The following REV3L variants were observed in gnomAD, a reference collection of about 807,000 sequenced individuals.
REV3L encodes the protein REV3 like, DNA directed polymerase zeta catalytic subunit.
Under a neutral mutation model 299.4 loss-of-function variants are expected in REV3L, and 69 were observed. The ratio of observed to expected loss-of-function variants is 0.23; its 90% confidence interval spans 0.19 to 0.28. REV3L has a LOEUF of 0.28. REV3L is among the 10% of genes least tolerant of loss of function. REV3L has a pLI of 1.00. For synonymous variants in REV3L, 1,238 were observed against 1,271.4 expected (o/e 0.97, Z 0.56); for missense variants, 3,128 against 3,693.8 (o/e 0.85, Z 3.97).
intron 1 of REV3L, among the ~76,000 whole-genome samples, chr6:111,475,862 T>C (rs933909352): frequency 2.6e-5 from 4 of 152,176 alleles, no homozygotes; most frequent in African/African-American, 9.7e-5. Context: ...CCTACCTTTT[T>C]TGTTTCTTTG....
chr6:111,333,237 C>T lies in REV3L; in HGVS notation c.7811G>A (p.Arg2604His), dbSNP rs574647735. ...AACGAGAACAGAGTTGCTATAGAAG[C>T]GGGATTCAGGCTCCATAATTAGAGG... ...CVPLIMEPES[R>H]FYSNSVLVLD... is the part of the protein sequence containing the mutation. The change falls in exon 23 of 32, where the codon CGC becomes CAC. Residue 2604 changes from arginine to histidine, a missense_variant. By Grantham distance (29) the Arg-to-His change is conservative. Around this residue, in one of 9 missense-constraint regions of REV3L, gnomAD observed 149 missense variants for 286.4 expected, o/e 0.52. Coordinates refer to ENST00000368802, the MANE Select transcript of REV3L (RefSeq NM_001372078.1). 5.0e-6 allele frequency: 8 copies of T among 1,613,894 alleles called. No individual in the cohort carries two copies. The highest frequency in any genetic ancestry group is 6.8e-6 in the Non-Finnish European group (8 of 1,180,008).
chr6:111,373,184 C>G lies in REV3L; in HGVS notation c.5171G>C (p.Ser1724Thr), dbSNP rs17539644. ...GGTTGACTTCTCAAAAATTTCAGGACTTAAAGTACCAGATCTAATCCATGA... is the reference window on the plus strand; with the variant it reads ...GGTTGACTTCTCAAAAATTTCAGGAGTTAAAGTACCAGATCTAATCCATGA... ...SASWIRSGTL[S>T]PEIFEKSTID... Residue 1724 changes from serine (S) to threonine (T), a missense_variant, in exon 13 of 32, where the codon AGT (serine) becomes ACT (threonine). Transcript: ENST00000368802. 9.9e-6 allele frequency: 16 copies of G among 1,613,994 alleles called. No homozygotes were observed. The highest frequency in any genetic ancestry group is 1.3e-5 in the Non-Finnish European group (15 of 1,179,998).
At chr6:111,319,678 G>T (rs1034529845) in intron 26 of REV3L, among the ~76,000 whole-genome samples, 2 of 151,078 alleles carry the variant, frequency 1.3e-5, no homozygotes, top group Non-Finnish European at 2.9e-5. Flanking sequence ...TAATTGGAAG[G>T]TCATTTACCT....
chr6:111,396,355 TA>T (rs1423624634), intron 4 of REV3L, among the ~76,000 whole-genome samples: 5 of 151,456 alleles, frequency 3.3e-5, no homozygotes, highest in African/African-American at 1.2e-4. Flanking sequence ...GATCATGGTG[TA>T]TTTTTTTTTT....
intron 11 of REV3L, among the ~76,000 whole-genome samples, chr6:111,378,385 A>T (rs1314084956): frequency 6.6e-6 from 1 of 152,108 alleles, no homozygotes; most frequent in Non-Finnish European, 1.5e-5. Flanking sequence ...TCCTATCCAT[A>T]CCCAATTTTT....
In REV3L at chr6:111,371,889, A is replaced by G. The variant is rs373719609; in HGVS notation, c.5759+707T>C. The stretch of plus-strand genomic sequence containing the variant: ...TAATTTTTTGTAGAGAGAGAGTCTC[A>G]CTATTTTGCCTGGGCTGGTCGCAAA... On this transcript the variant is annotated intron_variant, in intron 13 of 31. Coordinates refer to ENST00000368802, the MANE Select transcript of REV3L (RefSeq NM_001372078.1). Among the ~76,000 whole-genome samples the G allele has an allele frequency of 5.9e-5, 9 of 151,830 alleles. No homozygotes were observed. In the South Asian group the frequency reaches 1.0e-3, roughly 18 times the overall value.
At chr6:111,358,742 A>G (rs910363391) in intron 17 of REV3L, 80 bp downstream of exon 17, 11 of 1,093,976 alleles carry the variant, frequency 1.0e-5, no homozygotes, top group Non-Finnish European at 1.5e-5. Context: ...TGCTTAGATT[A>G]GATCTTCAGC....
intron 1 of REV3L, 75 bp downstream of exon 1, chr6:111,482,675 C>T: frequency 1.0e-6 from 1 of 958,122 alleles, no homozygotes; most frequent in Admixed American, 5.3e-5. Context: ...GGCGTGTGCG[C>T]GTGTGCGCGG....
At chr6:111,460,917 G>A (rs905586970) in intron 1 of REV3L, among the ~76,000 whole-genome samples, 8 of 152,054 alleles carry the variant, frequency 5.3e-5, no homozygotes, top group Non-Finnish European at 8.8e-5. Context: ...ATTGTAGTAC[G>A]ATGAGTTACT....
At chr6:111,316,224 T>TAAAAA (rs75805183) in intron 26 of REV3L, among the ~76,000 whole-genome samples, 2 of 104,262 alleles carry the variant, frequency 1.9e-5, no homozygotes, top group Non-Finnish European at 4.0e-5. Context: ...GGACTCCATC[T>TAAAAA]AAAAAAAAAA....
chr6:111,373,269 A>G lies in REV3L; in HGVS notation c.5086T>C (p.Phe1696Leu), dbSNP rs775474232. ...CATTTCTGGTTGTCATGACTTAAAA[A>G]CTCATTTTTTTCTATAGCTTGTCCT... ...FPGQAIEKNEFLSHDNQKCDE... is the reference protein window; with the variant it reads ...FPGQAIEKNELLSHDNQKCDE... The change falls in exon 13 of 32, where the codon TTT (phenylalanine) becomes CTT (leucine). Residue 1696 changes from phenylalanine to leucine, a missense_variant. Phe to Leu is a conservative substitution (Grantham distance 22). Transcript: ENST00000368802. 9 of 1,613,558 alleles carry G rather than the reference A, an allele frequency of 5.6e-6. No individual in the cohort carries two copies. Among genetic ancestry groups the G allele is most frequent in the Non-Finnish European group, 7.6e-6 (9 of 1,179,920 alleles).
At chr6:111,306,227 T>C (rs562678689) in intron 31 of REV3L, among the ~76,000 whole-genome samples, 2 of 152,108 alleles carry the variant, frequency 1.3e-5, no homozygotes, top group East Asian at 3.9e-4. Context: ...TTTCAGCTGA[T>C]TCCTCAGAAG....
intron 15 of REV3L, 73 bp from the exon 16 acceptor site, chr6:111,364,051 T>C: frequency 2.6e-6 from 4 of 1,545,740 alleles, no homozygotes; most frequent in Admixed American, 2.1e-5. Flanking sequence ...TGATTACTTA[T>C]TCTCAGATAA....
chr6:111,372,495 T>C, intron 13 of REV3L, 101 bp downstream of exon 13: 2 of 861,036 alleles, frequency 2.3e-6, no homozygotes, highest in Admixed American at 3.1e-5. Context: ...AGCAGTCAGG[T>C]AACCAAATGT....
chr6:111,374,689 C>T lies in REV3L; in HGVS notation c.3666G>A (p.Lys1222=), dbSNP rs748143403. The T allele has an allele frequency of 1.9e-6, 3 of 1,613,360 alleles. No homozygotes were observed. The highest frequency in any genetic ancestry group is 8.5e-7 in the Non-Finnish European group (1 of 1,179,882). The change falls in exon 13 of 32, where the codon AAG becomes AAA. Residue 1222 remains lysine (K), a synonymous_variant. Coordinates refer to ENST00000368802, the MANE Select transcript of REV3L (RefSeq NM_001372078.1). ...TTTTTTCATCCTTAAGTGTTGTATG[C>T]TTTCTCGATGTACCTTTCTCATTTG... The part of the protein sequence containing the change: ...QKTNEKGTSR[K]HTTLKDEKIK...
intron 21 of REV3L, among the ~76,000 whole-genome samples, chr6:111,342,585 G>A (rs1401959178): frequency 2.0e-5 from 3 of 151,520 alleles, no homozygotes; most frequent in Non-Finnish European, 4.4e-5. Flanking sequence ...GGAGAATGGC[G>A]TGAACTCGGG....
chr6:111,337,934 T>A (rs1776077758), intron 21 of REV3L, among the ~76,000 whole-genome samples: 1 of 152,112 alleles, frequency 6.6e-6, no homozygotes, highest in African/African-American at 2.4e-5. Flanking sequence ...CTTTGCCCTC[T>A]CAACATATGG....
At chr6:111,403,143 A>G (rs1783259053) in intron 4 of REV3L, among the ~76,000 whole-genome samples, 1 of 152,212 alleles carries the variant, frequency 6.6e-6, no homozygotes, top group Admixed American at 6.5e-5. Context: ...AAAACCCCAC[A>G]TATTATATGA....
At chr6:111,323,191 T>C (rs532370404) in intron 25 of REV3L, among the ~76,000 whole-genome samples, 1 of 152,262 alleles carries the variant, frequency 6.6e-6, no homozygotes, top group South Asian at 2.1e-4. Flanking sequence ...GGTTTCACCA[T>C]ATTGGCCAGG....
Sources: gnomAD v4.1 joint callset for allele counts (sites outside exome capture counted in the v4.1 genomes callset) on GRCh38, gnomAD v4.1.1 for gene constraint, gnomAD v4.1.1 regional missense constraint, MANE v1.5 for transcripts, NCBI Gene and HGNC (gene_info 2026-07-23, HGNC 2026-07-21) for gene names.